The following SLC2A14 variants were observed in gnomAD, a reference collection of about 807,000 sequenced individuals.
SLC2A14 encodes the protein solute carrier family 2 member 14, also known as solute carrier family 2, facilitated glucose transporter member 14.
In SLC2A14, 13 loss-of-function variants were observed where a neutral mutation model predicts 43.0. That is an observed-to-expected ratio of 0.30 (90% CI 0.20 to 0.48). The LOEUF is 0.48. SLC2A14 is among the 20% of genes least tolerant of loss of function. The pLI is 0.99. For synonymous variants in SLC2A14, 190 were observed against 233.8 expected (o/e 0.81, Z 1.71); for missense variants, 428 against 620.4 (o/e 0.69, Z 3.29).
At chr12:7,863,539 A>C in intron 2 of SLC2A14, 1 of 392,596 alleles carries the variant, frequency 2.5e-6, no homozygotes. Context: ...AGGCAGGAGA[A>C]TGAACCCAGG....
At chr12:7,858,474 C>T (rs1380029433) in intron 2 of SLC2A14, among the ~76,000 whole-genome samples, 1 of 152,046 alleles carries the variant, frequency 6.6e-6, no homozygotes, top group Non-Finnish European at 1.5e-5. Flanking sequence ...CTTGGGTATC[C>T]TTTGAAACAC....
intron 7 of SLC2A14, among the ~76,000 whole-genome samples, chr12:7,821,753 C>A (rs1335426791): frequency 6.6e-6 from 1 of 151,916 alleles, no homozygotes; most frequent in Admixed American, 6.6e-5. Flanking sequence ...CTCAATCTGT[C>A]ACCCAGGCTG....
chr12:7,817,264 C>T (rs1035709967), intron 10 of SLC2A14, among the ~76,000 whole-genome samples: 7 of 151,982 alleles, frequency 4.6e-5, no homozygotes, highest in East Asian at 2.0e-4. Flanking sequence ...TACAGGCATG[C>T]GCCACCATGC....
intron 2 of SLC2A14, among the ~76,000 whole-genome samples, chr12:7,856,807 C>T (rs1025409851): frequency 1.3e-5 from 2 of 151,550 alleles, no homozygotes; most frequent in African/African-American, 4.8e-5. Flanking sequence ...TCTGTATTAA[C>T]AAGCCTTTGA....
intron 1 of SLC2A14, 35 bp from the exon 2 acceptor site, chr12:7,869,972 C>T (rs1945136631): frequency 7.3e-7 from 1 of 1,364,874 alleles, no homozygotes; most frequent in Admixed American, 2.1e-5. Flanking sequence ...TTCATTTACT[C>T]CATCTACTTA....
intron 4 of SLC2A14, among the ~76,000 whole-genome samples, chr12:7,830,510 C>T (rs753418750): frequency 1.3e-5 from 2 of 152,074 alleles, no homozygotes; most frequent in Non-Finnish European, 1.5e-5. Flanking sequence ...ATGGTGCCCA[C>T]TGGTAGTCCC....
intron 2 of SLC2A14, among the ~76,000 whole-genome samples, chr12:7,855,603 C>T (rs1405892229): frequency 6.6e-6 from 1 of 151,900 alleles, no homozygotes; most frequent in Non-Finnish European, 1.5e-5. Flanking sequence ...TACACATGTA[C>T]CACTGCTTCT....
At chr12:7,820,815 G>A (rs1376873023) in intron 8 of SLC2A14, among the ~76,000 whole-genome samples, 2 of 152,106 alleles carry the variant, frequency 1.3e-5, no homozygotes, top group African/African-American at 2.4e-5. Flanking sequence ...GTCCGGGCAC[G>A]CTGGCTCACA....
intron 1 of SLC2A14, among the ~76,000 whole-genome samples, chr12:7,890,470 C>A (rs1373604476): frequency 1.3e-5 from 2 of 152,002 alleles, no homozygotes; most frequent in Non-Finnish European, 2.9e-5. Context: ...CTCTTAGCAT[C>A]CAGTGCACTT....
intron 2 of SLC2A14, among the ~76,000 whole-genome samples, chr12:7,843,307 G>A (rs1029433425): frequency 6.7e-6 from 1 of 149,596 alleles, no homozygotes; most frequent in Non-Finnish European, 1.5e-5. Flanking sequence ...TGGAGGCATG[G>A]GAGGGGCACG....
intron 1 of SLC2A14, among the ~76,000 whole-genome samples, chr12:7,882,487 T>C (rs1264384848): frequency 2.0e-5 from 3 of 151,958 alleles, no homozygotes; most frequent in African/African-American, 7.3e-5. Flanking sequence ...GCCCCTCCAC[T>C]CCAGCCTGGG....
intron 10 of SLC2A14, 44 bp downstream of exon 10, chr12:7,817,787 C>G (rs5015583): frequency 0.039 from 31,393 of 799,298 alleles, 821 homozygotes; most frequent in East Asian, 0.15. Flanking sequence ...TAGACAGATA[C>G]ATAGATAGAT....
intron 10 of SLC2A14, among the ~76,000 whole-genome samples, chr12:7,815,315 C>T (rs1318895754): frequency 6.6e-6 from 1 of 151,818 alleles, no homozygotes; most frequent in Non-Finnish European, 1.5e-5. Flanking sequence ...ACTCAGGAGG[C>T]TGAGGCAAGA....
chr12:7,817,327 G>C (rs73060710), intron 10 of SLC2A14, among the ~76,000 whole-genome samples: 47,640 of 151,770 alleles, frequency 0.31, 8,827 homozygotes, highest in South Asian at 0.42. Flanking sequence ...GTTGGTCAGA[G>C]TGGTCTCTAC....
At chr12:7,890,662 G>A (rs1427906547) in intron 1 of SLC2A14, 6 of 167,014 alleles carry the variant, frequency 3.6e-5, no homozygotes, top group Non-Finnish European at 3.9e-5. Flanking sequence ...AACATAGTAA[G>A]TTGGCCTTCC....
At chr12:7,839,840 A>C (rs994993936) in intron 2 of SLC2A14, 5 of 449,194 alleles carry the variant, frequency 1.1e-5, no homozygotes, top group Non-Finnish European at 2.2e-5. Context: ...TTTGGAGGTC[A>C]AGGCGGGAGG....
intron 2 of SLC2A14, among the ~76,000 whole-genome samples, chr12:7,846,107 A>G (rs903669523): frequency 6.6e-6 from 1 of 151,964 alleles, no homozygotes; most frequent in Non-Finnish European, 1.5e-5. Flanking sequence ...AAAAAAAGAA[A>G]GAAAGAAAGA....
At chr12:7,857,102 T>C (rs1169441975) in intron 2 of SLC2A14, among the ~76,000 whole-genome samples, 1 of 151,382 alleles carries the variant, frequency 6.6e-6, no homozygotes, top group Non-Finnish European at 1.5e-5. Context: ...ATACAAAAAT[T>C]AGCTGGGTGT....
intron 5 of SLC2A14, among the ~76,000 whole-genome samples, chr12:7,829,484 C>G (rs1023872216): frequency 1.3e-5 from 2 of 151,032 alleles, no homozygotes; most frequent in South Asian, 4.2e-4. Context: ...CACTTTAACC[C>G]AGGAGGCAGA....
Sources: gnomAD v4.1 joint callset for allele counts (sites outside exome capture counted in the v4.1 genomes callset) on GRCh38, gnomAD v4.1.1 for gene constraint, MANE v1.5 for transcripts, NCBI Gene and HGNC (gene_info 2026-07-23, HGNC 2026-07-21) for gene names.